Variants in TTC3 observed in about 807,000 individuals in gnomAD.
The protein encoded by TTC3 is tetratricopeptide repeat domain 3, also known as E3 ubiquitin-protein ligase TTC3.
TTC3 carries 180 observed loss-of-function variants against 249.6 expected under a neutral mutation model. The observed-to-expected ratio is 0.72, with a 90% CI of 0.64 to 0.82. The LOEUF (loss-of-function observed/expected upper bound fraction) is 0.82, where lower values mean the gene tolerates loss of function less well. TTC3 is among the 40% of genes least tolerant of loss of function. TTC3 has a pLI of 0.00. For missense variants in TTC3, 2,061 were observed against 2,398.4 expected, an observed-to-expected ratio of 0.86 and a Z score of 2.94; for synonymous variants, 717 against 805.0, an observed-to-expected ratio of 0.89 and a Z score of 1.85.
At position 37,074,781 on chromosome 21, in the gene TTC3, G is replaced by T. The variant is rs147314774; in HGVS notation, c.-12+1417G>T. Among the ~76,000 whole-genome samples, 12 of 152,338 alleles carry T rather than the reference G, an allele frequency of 7.9e-5. No individual in the cohort carries two copies. In the East Asian group the frequency reaches 2.3e-3, roughly 29 times the overall value. On this transcript the variant is annotated intron_variant, in intron 1 of 45. Transcript: ENST00000355666. ...CTGCTCCGATTGCTCAAGGTTTCGT[G>T]CTCTGCGCTCAAGGGCTGCGTTTTG... is the stretch of plus-strand genomic sequence containing the variant.
chr21:37,145,975 A>G (rs943018839), intron 21 of TTC3, among the ~76,000 whole-genome samples: 2 of 152,234 alleles, frequency 1.3e-5, no homozygotes, highest in African/African-American at 2.4e-5. Context: ...GGAGGGTCAA[A>G]CATTCAAACT....
chr21:37,155,403 G>C (rs2079951835), intron 27 of TTC3, among the ~76,000 whole-genome samples: 1 of 152,202 alleles, frequency 6.6e-6, no homozygotes, highest in South Asian at 2.1e-4. Context: ...CACAAGCTCT[G>C]ACGTGGATAG....
Position 37,105,287 on chromosome 21 carries a change from C to G in TTC3, c.846-3105C>G, listed in dbSNP as rs145230552. Reference sequence around the variant, plus strand: ...TTTAAAGGTGTTTGGGGAGAGAGACCCAGGGTGAGTCTCTTTAAATGGTAA... The same window carrying G: ...TTTAAAGGTGTTTGGGGAGAGAGACGCAGGGTGAGTCTCTTTAAATGGTAA... On this transcript the variant is annotated intron_variant, in intron 10 of 45. Coordinates refer to ENST00000355666, the Ensembl canonical transcript of TTC3. Among the ~76,000 whole-genome samples the G allele has an allele frequency of 2.9e-3, 444 of 152,104 alleles. 6 individuals carry two copies. Among genetic ancestry groups the G allele is most frequent in the Non-Finnish European group, 9.6e-4 (65 of 67,994 alleles).
At chr21:37,168,927 G>A (rs1242123768) in intron 34 of TTC3, among the ~76,000 whole-genome samples, 1 of 152,164 alleles carries the variant, frequency 6.6e-6, no homozygotes, top group East Asian at 1.9e-4. Flanking sequence ...CACTCACATG[G>A]CTGGCAAGCG....
intron 18 of TTC3, 60 bp downstream of exon 18, chr21:37,135,574 A>G: frequency 6.4e-7 from 1 of 1,564,746 alleles, no homozygotes. Context: ...TGAATGCAGA[A>G]GAGAACCAAG....
At chr21:37,128,453 A>C (rs1601638379) in intron 15 of TTC3, among the ~76,000 whole-genome samples, 2 of 152,264 alleles carry the variant, frequency 1.3e-5, no homozygotes, top group East Asian at 3.9e-4. Flanking sequence ...AGGTTTACTT[A>C]GTGCTTCTGA....
intron 12 of TTC3, among the ~76,000 whole-genome samples, chr21:37,122,741 A>G (rs1373395599): frequency 6.6e-5 from 10 of 152,258 alleles, no homozygotes; most frequent in African/African-American, 2.4e-4. Context: ...TCAGATTTAC[A>G]TATTGCTGTC....
intron 33 of TTC3, 54 bp from the exon 34 acceptor site, chr21:37,167,501 A>G: frequency 7.1e-7 from 1 of 1,413,122 alleles, no homozygotes; most frequent in Non-Finnish European, 9.8e-7. Flanking sequence ...TGATGGGCTT[A>G]TTTTACTAGA....
chr21:37,116,462 CTG>C (rs1568961844), intron 11 of TTC3, among the ~76,000 whole-genome samples: 1 of 151,954 alleles, frequency 6.6e-6, no homozygotes, highest in Non-Finnish European at 1.5e-5. Context: ...TTCTGGGTAT[CTG>C]TGTATTAGTC....
chr21:37,195,567 G>C, intron 41 of TTC3, 108 bp from the exon 42 acceptor site: 1 of 1,440,902 alleles, frequency 6.9e-7, no homozygotes. Flanking sequence ...TCCTGTGCAC[G>C]GAGCCTCTGC....
chr21:37,175,440 T>C (rs1196119439), intron 35 of TTC3, among the ~76,000 whole-genome samples: 2 of 148,216 alleles, frequency 1.3e-5, no homozygotes, highest in East Asian at 2.1e-4. Context: ...CTACCAAAAT[T>C]ACAAAAATTA....
At chr21:37,126,263 G>T in intron 15 of TTC3, 120 bp downstream of exon 15, 2 of 659,934 alleles carry the variant, frequency 3.0e-6, no homozygotes, top group East Asian at 2.9e-5. Flanking sequence ...ACTTTATAAT[G>T]CTTCTATGTT....
At chr21:37,186,349 T>C (rs1444440962) in intron 37 of TTC3, among the ~76,000 whole-genome samples, 1 of 152,242 alleles carries the variant, frequency 6.6e-6, no homozygotes, top group African/African-American at 2.4e-5. Flanking sequence ...AGATTTCTTT[T>C]TCCCTTTGGG....
At chr21:37,136,393 A>G (rs2077941986) in intron 18 of TTC3, among the ~76,000 whole-genome samples, 1 of 152,218 alleles carries the variant, frequency 6.6e-6, no homozygotes, top group African/African-American at 2.4e-5. Context: ...AAGGAAATTA[A>G]AAGTGCTACT....
rs570220199 is a variant in TTC3, at chr21:37,104,826, C to G, written c.846-3566C>G. ...CTGAACTTTGACAAATACCACCCAC[C>G]CCAGAGATTCTGATTCAATTAACCT... On this transcript the variant is annotated intron_variant, in intron 10 of 45. Coordinates refer to ENST00000355666, the Ensembl canonical transcript of TTC3. Among the ~76,000 whole-genome samples, 5 of 152,230 alleles carry G rather than the reference C, an allele frequency of 3.3e-5. No individual in the cohort carries two copies. In the East Asian group the frequency reaches 9.7e-4, roughly 29 times the overall value.
chr21:37,157,172 G>A, intron 28 of TTC3: 1 of 1,380,830 alleles, frequency 7.2e-7, no homozygotes. Flanking sequence ...TATTTTCACA[G>A]CATCATGGGA....
At chr21:37,087,460 A>G in intron 2 of TTC3, 59 bp downstream of exon 2, 1 of 1,589,996 alleles carries the variant, frequency 6.3e-7, no homozygotes, top group Non-Finnish European at 8.6e-7. Context: ...TTTCTGGTTT[A>G]GGGCTATCTG....
rs761942573 is a variant in TTC3, at chr21:37,128,992, T to G, written c.1298-11T>G. Reference sequence around the variant, plus strand: ...TACAGATTTTAGGAACAAATACTTTTGTGTTCACAGGTCAGCCTCCAAAAC... The same window carrying G: ...TACAGATTTTAGGAACAAATACTTTGGTGTTCACAGGTCAGCCTCCAAAAC... On this transcript the variant is annotated splice_polypyrimidine_tract_variant and intron_variant, in intron 15 of 45. Transcript: ENST00000355666. 6.4e-7 allele frequency: 1 copy of G among 1,562,984 alleles called. No individual in the cohort carries two copies. Among genetic ancestry groups the G allele is most frequent in the Non-Finnish European group, 8.6e-7 (1 of 1,157,760 alleles).
intron 2 of TTC3, 52 bp downstream of exon 2, chr21:37,087,453 C>G: frequency 1.2e-6 from 2 of 1,601,920 alleles, no homozygotes; most frequent in Non-Finnish European, 8.5e-7. Context: ...TGAAGGTTTT[C>G]TGGTTTAGGG....
Sources: allele counts gnomAD v4.1 joint callset (sites outside exome capture counted in the v4.1 genomes callset), GRCh38; gene constraint gnomAD v4.1.1; transcripts MANE v1.5; gene names NCBI Gene and HGNC (gene_info 2026-07-23, HGNC 2026-07-21).